Variants in TASP1 observed in about 807,000 individuals in gnomAD.
The protein encoded by TASP1 is taspase 1.
Under a neutral mutation model 56.6 loss-of-function variants are expected in TASP1, and 16 were observed. The ratio of observed to expected loss-of-function variants is 0.28; its 90% CI spans 0.19 to 0.43. The LOEUF is 0.43. Ranked by LOEUF, TASP1 falls within the 20% of genes least tolerant of loss-of-function variation. The probability of loss-of-function intolerance (pLI) is 1.00; values close to 1 mark genes in which losing one functional copy is unlikely to be tolerated. For synonymous variants in TASP1, 179 were observed against 184.2 expected (o/e 0.97, Z 0.23); for missense variants, 393 against 511.6 (o/e 0.77, Z 2.24).
At chr20:13,136,130 A>G in the TASP1 span, among the ~76,000 whole-genome samples, 41 of 152,348 alleles carry the variant, frequency 2.7e-4, no homozygotes, top group African/African-American at 8.4e-4. Flanking sequence ...ATTTTTCTTC[A>G]AAGTCACACA....
At chr20:13,317,516 G>A in the TASP1 span, among the ~76,000 whole-genome samples, 2 of 151,992 alleles carry the variant, frequency 1.3e-5, no homozygotes, top group Non-Finnish European at 2.9e-5. Context: ...AAAGGTAAAC[G>A]ACTCATACTA....
chr20:13,429,615 A>AGT (rs36104978), intron 12 of TASP1, among the ~76,000 whole-genome samples: 2,687 of 148,566 alleles, frequency 0.018, 56 homozygotes, highest in African/African-American at 0.016. Flanking sequence ...GGTGTGTGTG[A>AGT]GTGTGTGTGT....
intron 4 of TASP1, among the ~76,000 whole-genome samples, chr20:13,620,488 A>C (rs2048674255): frequency 6.6e-6 from 1 of 152,226 alleles, no homozygotes; most frequent in Non-Finnish European, 1.5e-5. Flanking sequence ...ATTAGTATTT[A>C]AGGAATTCAC....
At chr20:13,148,471 A>G in the TASP1 span, among the ~76,000 whole-genome samples, 5 of 152,332 alleles carry the variant, frequency 3.3e-5, no homozygotes, top group East Asian at 1.9e-4. Context: ...GCTTCGGAGC[A>G]TGTAGCTGTC....
rs894553943 is a variant in TASP1, at chr20:13,455,313, A to G, written c.986-20159T>C. Among the ~76,000 whole-genome samples the G allele has an allele frequency of 3.3e-5, 5 of 152,288 alleles. No homozygotes were observed. The East Asian group carries it at 9.7e-4, about 29-fold the overall frequency. Reference sequence around the variant, plus strand: ...CAGGGGGTCTTCAAAAAATTCATAGAAACTGTGCATTATGAAACTATGCAT... The same window carrying G: ...CAGGGGGTCTTCAAAAAATTCATAGGAACTGTGCATTATGAAACTATGCAT... On this transcript the variant is annotated intron_variant, in intron 11 of 13. Transcript: ENST00000337743.
the TASP1 span, among the ~76,000 whole-genome samples, chr20:13,327,106 C>T: frequency 1.3e-5 from 2 of 152,162 alleles, no homozygotes; most frequent in South Asian, 4.1e-4. Context: ...TAAGCAACTT[C>T]AGCAAAGTCT....
At chr20:13,140,978 TC>T in the TASP1 span, among the ~76,000 whole-genome samples, 1 of 152,196 alleles carries the variant, frequency 6.6e-6, no homozygotes, top group Non-Finnish European at 1.5e-5. Flanking sequence ...ACCAGCCCCT[TC>T]CAGCTGTGAC....
intron 5 of TASP1, among the ~76,000 whole-genome samples, chr20:13,585,578 T>C (rs930698455): frequency 6.6e-6 from 1 of 150,798 alleles, no homozygotes; most frequent in Admixed American, 6.6e-5. Flanking sequence ...TCAAAAAGCA[T>C]ATGAAAAGGC....
intron 13 of TASP1, chr20:13,392,779 C>T (rs1209114346): frequency 6.6e-6 from 4 of 608,052 alleles, no homozygotes; most frequent in Non-Finnish European, 1.3e-5. Context: ...CATCAGTGAC[C>T]CCTTCCTTGA....
the TASP1 span, among the ~76,000 whole-genome samples, chr20:13,211,740 G>T: frequency 3.8e-3 from 573 of 152,230 alleles, 6 homozygotes; most frequent in African/African-American, 0.013. Context: ...GTAAGAGACA[G>T]GATTTTATAT....
At chr20:13,124,415 G>T in the TASP1 span, among the ~76,000 whole-genome samples, 2 of 151,678 alleles carry the variant, frequency 1.3e-5, no homozygotes, top group Admixed American at 6.6e-5. Context: ...AGAAGAAACA[G>T]ATTTAAATAA....
chr20:13,275,949 A>G, the TASP1 span, among the ~76,000 whole-genome samples: 4 of 152,200 alleles, frequency 2.6e-5, no homozygotes, highest in Admixed American at 2.6e-4. Flanking sequence ...AGTAATGCCT[A>G]GATTGGCGTG....
At chr20:13,231,470 C>T in the TASP1 span, among the ~76,000 whole-genome samples, 2 of 152,128 alleles carry the variant, frequency 1.3e-5, no homozygotes, top group South Asian at 2.1e-4. Context: ...CCTTTACTAT[C>T]TTAGGTGGGA....
chr20:13,593,622 C>A (rs1449256443), intron 4 of TASP1, among the ~76,000 whole-genome samples: 1 of 152,200 alleles, frequency 6.6e-6, no homozygotes, highest in Non-Finnish European at 1.5e-5. Context: ...CTGAGATCAA[C>A]CTGCGAGGCT....
At chr20:13,325,313 G>C in the TASP1 span, among the ~76,000 whole-genome samples, 2 of 152,240 alleles carry the variant, frequency 1.3e-5, no homozygotes, top group Non-Finnish European at 2.9e-5. Context: ...TATTGGGGAA[G>C]AAAATCTGCA....
At chr20:13,476,076 G>A (rs375069397) in intron 11 of TASP1, among the ~76,000 whole-genome samples, 2 of 152,078 alleles carry the variant, frequency 1.3e-5, no homozygotes, top group South Asian at 2.1e-4. Flanking sequence ...CCGAGATCAC[G>A]CCACTGTACT....
At chr20:13,350,920 T>C in the TASP1 span, among the ~76,000 whole-genome samples, 1 of 151,566 alleles carries the variant, frequency 6.6e-6, no homozygotes, top group African/African-American at 2.4e-5. Flanking sequence ...AGGCTGATCT[T>C]GAGCTCCTGG....
intron 11 of TASP1, among the ~76,000 whole-genome samples, chr20:13,438,757 C>G (rs2043107065): frequency 6.6e-6 from 1 of 152,172 alleles, no homozygotes; most frequent in African/African-American, 2.4e-5. Context: ...ATCTACTCAT[C>G]TGACAAAGGG....
At chr20:13,206,018 G>A in the TASP1 span, among the ~76,000 whole-genome samples, 15 of 152,330 alleles carry the variant, frequency 9.8e-5, no homozygotes, top group South Asian at 4.2e-4. Context: ...AGACAGAGAC[G>A]CACTCCTGTG....
Sources: gnomAD v4.1 joint callset for allele counts (sites outside exome capture counted in the v4.1 genomes callset) on GRCh38, gnomAD v4.1.1 for gene constraint, MANE v1.5 for transcripts, NCBI Gene and HGNC (gene_info 2026-07-23, HGNC 2026-07-21) for gene names.